Variants in CD109 observed in about 807,000 individuals in gnomAD.
The protein encoded by CD109 is CD109 molecule.
A neutral mutation model predicts 165.8 loss-of-function variants in CD109; 149 were observed. The observed-to-expected ratio is 0.90, with a 90% CI of 0.79 to 1.03. The LOEUF (loss-of-function observed/expected upper bound fraction) is 1.03. CD109 is among the 50% of genes least tolerant of loss of function. The pLI, the probability that CD109 is intolerant of heterozygous loss-of-function variation, is 0.00. For missense variants in CD109, 1,712 were observed against 1,677.8 expected (o/e 1.02, Z -0.36); for synonymous variants, 585 against 592.1 (o/e 0.99, Z 0.18).
In CD109 at chr6:73,737,460, G is replaced by A. The variant is rs572781754; in HGVS notation, c.633+952G>A. ...TATTATTCTTTTTAAGGTAGCAGAA[G>A]CTCTACCGAATGAATGTATGATGTG... is the stretch of plus-strand genomic sequence containing the variant. On this transcript the variant is annotated intron_variant, in intron 5 of 32. Coordinates refer to ENST00000287097, the MANE Select transcript of CD109 (RefSeq NM_133493.5). Among the ~76,000 whole-genome samples, 83 of 99,504 alleles carry A rather than the reference G, an allele frequency of 8.3e-4. 1 individual carries two copies. The highest frequency in any genetic ancestry group is 3.9e-3 in the African/African-American group (74 of 19,200). 65.3% of individuals were successfully genotyped at this position (99,504 alleles called of 152,430 possible).
At chr6:73,766,400 A>G (rs1425146401) in intron 11 of CD109, among the ~76,000 whole-genome samples, 1 of 152,098 alleles carries the variant, frequency 6.6e-6, no homozygotes, top group Non-Finnish European at 1.5e-5. Context: ...ATGATGGAGA[A>G]TTTCCTCAAA....
At chr6:73,797,978 A>G (rs1185929774) in intron 23 of CD109, among the ~76,000 whole-genome samples, 2 of 152,190 alleles carry the variant, frequency 1.3e-5, no homozygotes, top group Admixed American at 6.5e-5. Flanking sequence ...ATTTCTTCAT[A>G]AACTTTTGGA....
At chr6:73,694,630 A>C (rs1770760455), upstream of CD109, 1 of 152,204 alleles carries the variant, frequency 6.6e-6, no homozygotes, top group South Asian at 2.1e-4. Context: ...CCACTTGTAG[A>C]GTCTCCATGG....
At chr6:73,765,882 C>T (rs375797514) in intron 10 of CD109, 48 bp from the exon 11 acceptor site, 16 of 1,289,198 alleles carry the variant, frequency 1.2e-5, no homozygotes, top group African/African-American at 8.9e-5. Flanking sequence ...TGTATTTAAT[C>T]GTACTTAAAT....
chr6:73,782,667 G>T lies in CD109; in HGVS notation c.2017G>T (p.Val673Leu). Residue 673 changes from valine to leucine, a missense_variant, in exon 18 of 33, where the codon GTA becomes TTA. By Grantham distance (32) the Val-to-Leu change is conservative. Coordinates refer to ENST00000287097, the MANE Select transcript of CD109 (RefSeq NM_133493.5). ...TATGGAGGAAAATGAAGGACATATT[G>T]TAGATATTCATGACTTTTCTTTGGG... ...RFMEENEGHI[V>L]DIHDFSLGSS... 6.2e-7 allele frequency: 1 copy of T among 1,613,804 alleles called. No individual in the cohort carries two copies. Among genetic ancestry groups the T allele is most frequent in the South Asian group, 1.1e-5 (1 of 91,050 alleles).
At chr6:73,817,863 G>C (rs1775992167) in intron 30 of CD109, among the ~76,000 whole-genome samples, 1 of 152,112 alleles carries the variant, frequency 6.6e-6, no homozygotes, top group Admixed American at 6.5e-5. Flanking sequence ...AAGTATATGG[G>C]AGAACAAAGG....
chr6:73,730,892 C>T (rs947382766), intron 4 of CD109, among the ~76,000 whole-genome samples: 1 of 152,060 alleles, frequency 6.6e-6, no homozygotes, highest in Non-Finnish European at 1.5e-5. Flanking sequence ...CCTGCTGACA[C>T]TGAGTTTATT....
At chr6:73,759,528 A>C (rs543864186) in intron 7 of CD109, among the ~76,000 whole-genome samples, 81 of 152,286 alleles carry the variant, frequency 5.3e-4, no homozygotes, top group Non-Finnish European at 1.0e-3. Context: ...TGATTAACTT[A>C]TCCCAAATGC....
chr6:73,782,789 T>G, intron 18 of CD109, 34 bp downstream of exon 18: 1 of 1,603,694 alleles, frequency 6.2e-7, no homozygotes, highest in East Asian at 2.2e-5. Context: ...CCCATACATA[T>G]TTTGTTTAGT....
At chr6:73,718,978 A>G (rs1394753826) in intron 2 of CD109, among the ~76,000 whole-genome samples, 2 of 152,236 alleles carry the variant, frequency 1.3e-5, no homozygotes, top group Non-Finnish European at 2.9e-5. Flanking sequence ...GCAATTTTCT[A>G]GTAGCCGCAC....
At chr6:73,763,813 C>T (rs75722938) in intron 10 of CD109, 128 bp downstream of exon 10, 130 of 423,306 alleles carry the variant, frequency 3.1e-4, no homozygotes, top group African/African-American at 2.3e-3. Flanking sequence ...TCTCTTTAGA[C>T]ATGTGGGGCA....
At chr6:73,709,959 T>G (rs1207710204) in intron 2 of CD109, among the ~76,000 whole-genome samples, 1 of 152,202 alleles carries the variant, frequency 6.6e-6, no homozygotes, top group East Asian at 1.9e-4. Context: ...ATAAGAGCTA[T>G]TCATGACAAA....
chr6:73,745,886 G>A (rs550408770), intron 5 of CD109, among the ~76,000 whole-genome samples: 9 of 152,202 alleles, frequency 5.9e-5, no homozygotes, highest in East Asian at 5.8e-4. Flanking sequence ...CCACCACCAC[G>A]CCTGGCTAAA....
chr6:73,812,386 G>T (rs1230365142), intron 29 of CD109, 116 bp downstream of exon 29: 11 of 668,832 alleles, frequency 1.6e-5, no homozygotes, highest in Non-Finnish European at 1.8e-5. Flanking sequence ...ATTTACATCT[G>T]TGACTTAAGC....
intron 5 of CD109, among the ~76,000 whole-genome samples, chr6:73,746,745 A>G (rs1772997723): frequency 6.6e-6 from 1 of 152,166 alleles, no homozygotes; most frequent in African/African-American, 2.4e-5. Context: ...TGTATGGTCT[A>G]TGTCTTGGTC....
chr6:73,724,207 A>C (rs552377485), intron 3 of CD109, among the ~76,000 whole-genome samples: 135 of 152,208 alleles, frequency 8.9e-4, no homozygotes, highest in Middle Eastern at 3.4e-3. Flanking sequence ...CAAGTGCCTC[A>C]CTCACCTCAC....
chr6:73,686,939 G>A, the CD109 span, among the ~76,000 whole-genome samples: 4 of 152,156 alleles, frequency 2.6e-5, no homozygotes, highest in Non-Finnish European at 5.9e-5. Context: ...TGATCCACCC[G>A]CCTGGGTCTC....
chr6:73,737,534 A>G (rs544356645), intron 5 of CD109, among the ~76,000 whole-genome samples: 21 of 152,386 alleles, frequency 1.4e-4, no homozygotes, highest in Non-Finnish European at 2.9e-4. Flanking sequence ...TCATACTGTT[A>G]GAGAACAATG....
At chr6:73,806,806 A>T in intron 24 of CD109, 38 bp from the exon 25 acceptor site, 1 of 1,484,632 alleles carries the variant, frequency 6.7e-7, no homozygotes, top group Non-Finnish European at 9.3e-7. Context: ...GGACCTTATA[A>T]AGTGTATTTT....
Sources: gnomAD v4.1 joint callset for allele counts (sites outside exome capture counted in the v4.1 genomes callset) on GRCh38, gnomAD v4.1.1 for gene constraint, MANE v1.5 for transcripts, NCBI Gene and HGNC (gene_info 2026-07-23, HGNC 2026-07-21) for gene names.